ADK: variants seen among roughly 807,000 people sequenced by gnomAD.
ADK encodes N6,N6-dimethyladenosine kinase.
Under a neutral mutation model 44.7 loss-of-function variants are expected in ADK, and 24 were observed. That is an observed-to-expected ratio of 0.54 (90% CI 0.39 to 0.76). The LOEUF (loss-of-function observed/expected upper bound fraction) is 0.76, where lower values mean the gene tolerates loss of function less well. Among genes scored for constraint, ADK ranks in the 30% least tolerant of loss-of-function variants. The pLI is 0.00. For synonymous variants in ADK, 128 were observed against 142.6 expected (o/e 0.90, Z 0.73); for missense variants, 321 against 425.1 (o/e 0.76, Z 2.15).
intron 9 of ADK, among the ~76,000 whole-genome samples, chr10:74,668,906 G>T (rs1855069286): frequency 6.7e-6 from 1 of 148,524 alleles, no homozygotes; most frequent in Non-Finnish European, 1.5e-5. Context: ...AAATTGACCA[G>T]CTGTGGTGCT....
chr10:74,300,362 T>TTCCTTCCTTC (rs1564641103), intron 3 of ADK, among the ~76,000 whole-genome samples: 3 of 57,412 alleles, frequency 5.2e-5, no homozygotes, highest in Non-Finnish European at 9.1e-5. Context: ...TTCCTTCCTT[T>TTCCTTCCTTC]CTTTCTTTCT....
intron 10 of ADK, among the ~76,000 whole-genome samples, chr10:74,682,596 C>T (rs138036217): frequency 0.013 from 1,636 of 123,024 alleles, 42 homozygotes; most frequent in African/African-American, 0.045. Context: ...TTTTTTGAGA[C>T]GGAGTCTAGC....
chr10:74,175,330 G>A (rs1367848984), intron 1 of ADK, among the ~76,000 whole-genome samples: 11 of 148,294 alleles, frequency 7.4e-5, no homozygotes, highest in Admixed American at 3.4e-4. Flanking sequence ...GTTGGAGATC[G>A]CACCACTGCA....
chr10:74,187,283 C>A (rs1165591898), intron 1 of ADK, among the ~76,000 whole-genome samples: 1 of 152,030 alleles, frequency 6.6e-6, no homozygotes, highest in East Asian at 1.9e-4. Flanking sequence ...TATAGATATG[C>A]CACAATTTAT....
chr10:74,637,244 G>A (rs572882807), intron 9 of ADK, among the ~76,000 whole-genome samples: 125 of 152,104 alleles, frequency 8.2e-4, no homozygotes, highest in African/African-American at 2.9e-3. Flanking sequence ...AATCATCATA[G>A]GTTCTTAAAG....
chr10:74,450,527 CA>C (rs1564729037), intron 6 of ADK, among the ~76,000 whole-genome samples: 1 of 152,032 alleles, frequency 6.6e-6, no homozygotes, highest in Non-Finnish European at 1.5e-5. Context: ...AGAAGAGATC[CA>C]AATTTAATTT....
chr10:74,227,449 T>C (rs1217867132), intron 3 of ADK, among the ~76,000 whole-genome samples: 1 of 152,148 alleles, frequency 6.6e-6, no homozygotes, highest in Non-Finnish European at 1.5e-5. Flanking sequence ...GTGGTTCACA[T>C]GTGTAATCCC....
At chr10:74,158,562 G>A (rs77157388) in intron 1 of ADK, among the ~76,000 whole-genome samples, 1 of 152,270 alleles carries the variant, frequency 6.6e-6, no homozygotes, top group South Asian at 2.1e-4. Flanking sequence ...GGCTGTTAAT[G>A]ACATGCCACA....
chr10:74,657,265 A>G (rs554544032), intron 9 of ADK, among the ~76,000 whole-genome samples: 15 of 152,326 alleles, frequency 9.8e-5, no homozygotes, highest in Non-Finnish European at 2.1e-4. Context: ...AAATGATGGA[A>G]TGATGGAAAG....
intron 6 of ADK, among the ~76,000 whole-genome samples, chr10:74,443,196 A>C (rs910254392): frequency 2.2e-4 from 33 of 152,312 alleles, no homozygotes; most frequent in African/African-American, 7.9e-4. Context: ...TAAATTTGTA[A>C]GTTCATGGAT....
At chr10:74,168,367 A>G (rs1365521216) in intron 1 of ADK, among the ~76,000 whole-genome samples, 1 of 151,844 alleles carries the variant, frequency 6.6e-6, no homozygotes, top group Non-Finnish European at 1.5e-5. Context: ...GTGAAACCCC[A>G]TCTCTACTAA....
intron 6 of ADK, among the ~76,000 whole-genome samples, chr10:74,489,860 C>T (rs1349080956): frequency 1.3e-5 from 2 of 151,688 alleles, no homozygotes; most frequent in Non-Finnish European, 2.9e-5. Context: ...ATTAAATGTC[C>T]ATGGGGAAGA....
Position 74,708,867 on chromosome 10 carries a change from T to C in ADK, c.*422T>C, listed in dbSNP as rs888351462. The C allele has an allele frequency of 2.4e-5, 5 of 209,796 alleles. No individual in the cohort carries two copies. The highest frequency in any genetic ancestry group is 4.7e-3 in the Middle Eastern group (2 of 422). The allele number at this position is 209,796 out of a possible 1,614,324, so 13.0% of individuals were successfully genotyped here. ...ATCTTTAGCTTTTTATACAAATATATTTAATTTAGGAGTATATGTGTGTCT... is the reference window on the plus strand; with the variant it reads ...ATCTTTAGCTTTTTATACAAATATACTTAATTTAGGAGTATATGTGTGTCT... On this transcript the variant is annotated 3_prime_UTR_variant, in exon 11 of 11. Coordinates refer to ENST00000539909, the MANE Select transcript of ADK (RefSeq NM_006721.4).
chr10:74,176,736 G>T, intron 1 of ADK: 1 of 1,509,654 alleles, frequency 6.6e-7, no homozygotes, highest in Non-Finnish European at 8.9e-7. Flanking sequence ...GGCCGCCCGC[G>T]CGCGGGGTGT....
At chr10:74,555,075 T>G (rs892104586) in intron 7 of ADK, among the ~76,000 whole-genome samples, 18 of 152,116 alleles carry the variant, frequency 1.2e-4, no homozygotes, top group African/African-American at 4.3e-4. Context: ...GGCAGGAAGA[T>G]CACTTGAGCC....
chr10:74,435,819 A>T (rs1845162232), intron 6 of ADK, among the ~76,000 whole-genome samples: 1 of 152,218 alleles, frequency 6.6e-6, no homozygotes, highest in Non-Finnish European at 1.5e-5. Context: ...TCCAGCAAAA[A>T]TATGTCAAAA....
chr10:74,277,069 C>T (rs1846714938), intron 3 of ADK, among the ~76,000 whole-genome samples: 1 of 152,052 alleles, frequency 6.6e-6, no homozygotes, highest in Non-Finnish European at 1.5e-5. Flanking sequence ...AGGCGCCTGC[C>T]ACCACACCCA....
chr10:74,362,161 C>G (rs1842355001), intron 4 of ADK, among the ~76,000 whole-genome samples: 1 of 152,060 alleles, frequency 6.6e-6, no homozygotes, highest in Non-Finnish European at 1.5e-5. Context: ...TTTTCTACCC[C>G]TTTGTCTTTC....
intron 10 of ADK, among the ~76,000 whole-genome samples, chr10:74,690,196 G>A (rs1855937336): frequency 6.6e-6 from 1 of 152,130 alleles, no homozygotes; most frequent in Non-Finnish European, 1.5e-5. Flanking sequence ...ATTTATTATA[G>A]TATAAAATCC....
Sources: gnomAD v4.1 joint callset for allele counts (sites outside exome capture counted in the v4.1 genomes callset) on GRCh38, gnomAD v4.1.1 for gene constraint, MANE v1.5 for transcripts, NCBI Gene and HGNC (gene_info 2026-07-23, HGNC 2026-07-21) for gene names.